The following OPCML variants were observed in gnomAD, a reference collection of about 807,000 sequenced individuals.
OPCML encodes opioid-binding protein/cell adhesion molecule.
OPCML carries 13 observed loss-of-function variants against 37.8 expected under a neutral mutation model. The observed-to-expected ratio is 0.34, with a 90% CI of 0.22 to 0.55. The LOEUF (loss-of-function observed/expected upper bound fraction) is 0.55. Ranked by LOEUF, OPCML falls within the 20% of genes least tolerant of loss-of-function variation. The probability of loss-of-function intolerance (pLI) is 0.91; values close to 1 mark genes in which losing one functional copy is unlikely to be tolerated. For synonymous variants in OPCML, 176 were observed against 168.8 expected (o/e 1.04, Z -0.33); for missense variants, 341 against 435.6 (o/e 0.78, Z 1.93).
At chr11:132,934,819 T>C (rs1430232432) in intron 2 of OPCML, among the ~76,000 whole-genome samples, 1 of 152,052 alleles carries the variant, frequency 6.6e-6, no homozygotes, top group Non-Finnish European at 1.5e-5. Flanking sequence ...TCCATCAGAG[T>C]AGTGACAAAT....
rs530540160 is a variant in OPCML at position 132,535,897 on chromosome 11, G to C, written c.380-6711C>G. Among the ~76,000 whole-genome samples the C allele has an allele frequency of 2.0e-3, 306 of 152,254 alleles. 5 individuals carry two copies. The highest frequency in any genetic ancestry group is 2.2e-3 in the Admixed American group (34 of 15,296). On this transcript the variant is annotated intron_variant, in intron 3 of 7. Coordinates refer to ENST00000524381, the MANE Select transcript of OPCML (RefSeq NM_001012393.5). ...GGCCAAAAGTAGGTGCTTATTGAAG[G>C]CTGCTTCCTCATTCTCTCCACATTG... is the stretch of plus-strand genomic sequence containing the variant.
chr11:132,642,593 C>G (rs1439203681), intron 3 of OPCML, among the ~76,000 whole-genome samples: 3 of 152,146 alleles, frequency 2.0e-5, no homozygotes, highest in Non-Finnish European at 4.4e-5. Flanking sequence ...AGTTGCTGAA[C>G]CACCCTGGCA....
rs771229345 is a variant in OPCML at position 132,570,644 on chromosome 11, G to A, written c.380-41458C>T. Among the ~76,000 whole-genome samples, 40 of 150,668 alleles carry A rather than the reference G, an allele frequency of 2.7e-4. No homozygotes were observed. In the East Asian group the frequency reaches 3.3e-3, roughly 13 times the overall value. ...ATAAATTAACAGTCTCAAAAAAGAAGCAGGGGAAATAATAGTAAATAAAAA... is the reference window on the plus strand; with the variant it reads ...ATAAATTAACAGTCTCAAAAAAGAAACAGGGGAAATAATAGTAAATAAAAA... On this transcript the variant is annotated intron_variant, in intron 3 of 7. Coordinates refer to ENST00000524381, the MANE Select transcript of OPCML (RefSeq NM_001012393.5).
intron 1 of OPCML, among the ~76,000 whole-genome samples, chr11:133,234,546 C>T (rs767647842): frequency 7.9e-5 from 12 of 152,380 alleles, no homozygotes; most frequent in Admixed American, 5.9e-4. Context: ...TGGGCACAGG[C>T]CTCCTGATGG....
At chr11:133,490,014 C>A (rs180947469) in intron 1 of OPCML, among the ~76,000 whole-genome samples, 1 of 151,976 alleles carries the variant, frequency 6.6e-6, no homozygotes, top group Admixed American at 6.6e-5. Context: ...AGACCATTAT[C>A]GTAAATAAAA....
In OPCML at chr11:132,728,050, T is replaced by G. The variant is rs772082866; in HGVS notation, c.147-70731A>C. ...TTTACCACACAGCTCACCAGGGAGC[T>G]TCAAGAACAGCATGGACGTTTGATT... On this transcript the variant is annotated intron_variant, in intron 2 of 7. Transcript: ENST00000524381. Among the ~76,000 whole-genome samples the G allele has an allele frequency of 9.9e-4, 151 of 152,268 alleles. 1 individual carries two copies. The highest frequency in any genetic ancestry group is 1.9e-3 in the Non-Finnish European group (126 of 68,016).
chr11:132,421,306 A>C (rs1226462751), intron 7 of OPCML, among the ~76,000 whole-genome samples: 1 of 152,218 alleles, frequency 6.6e-6, no homozygotes, highest in Non-Finnish European at 1.5e-5. Context: ...AGGCATTTCT[A>C]TAAAACTAGT....
intron 1 of OPCML, among the ~76,000 whole-genome samples, chr11:133,232,467 G>A (rs966732685): frequency 3.3e-5 from 5 of 152,112 alleles, no homozygotes; most frequent in East Asian, 1.9e-4. Flanking sequence ...TGTGCAAAGT[G>A]TGATGCATTA....
rs79454926 is a variant in OPCML at position 132,724,264 on chromosome 11, C to T, written c.147-66945G>A. ...GAGAGAGAGAAAATGCTGACCTGAT[C>T]AAGTTCGTTCAGAATTGACTAAGAA... On this transcript the variant is annotated intron_variant, in intron 2 of 7. Transcript: ENST00000524381. 8.7e-3 allele frequency among the ~76,000 whole-genome samples: 1,321 copies of T among 152,292 alleles called. 10 individuals are homozygous for T. Among genetic ancestry groups the T allele is most frequent in the South Asian group, 0.017 (80 of 4,828 alleles).
intron 1 of OPCML, among the ~76,000 whole-genome samples, chr11:133,017,924 C>T (rs573332484): frequency 1.3e-5 from 2 of 152,298 alleles, no homozygotes; most frequent in Admixed American, 1.3e-4. Flanking sequence ...ATCTGGCTTT[C>T]TGTGGCACGG....
At position 133,212,810 on chromosome 11, in the gene OPCML, T is replaced by G. The variant is rs548927716; in HGVS notation, c.62-269800A>C. Among the ~76,000 whole-genome samples, 24 of 152,322 alleles carry G rather than the reference T, an allele frequency of 1.6e-4. No homozygotes were observed. The highest frequency in any genetic ancestry group is 5.1e-4 in the African/African-American group (21 of 41,566). On this transcript the variant is annotated intron_variant, in intron 1 of 7. Transcript: ENST00000524381. This position sits in a 1 kb window ranked among gnomAD's most constrained non-coding sequence, Gnocchi z 4.9. ...GGACCCAACCTGGCCCCCTAGCTGT[T>G]GAGAGGTAAGAGTGAACTCATGACA... is the stretch of plus-strand genomic sequence containing the variant.
intron 3 of OPCML, among the ~76,000 whole-genome samples, chr11:132,649,072 C>T (rs1941301519): frequency 6.6e-6 from 1 of 151,950 alleles, no homozygotes; most frequent in Admixed American, 6.6e-5. Context: ...GTGTGGAGTA[C>T]AGAAGAAACA....
At chr11:133,288,287 A>C (rs1942361157) in intron 1 of OPCML, among the ~76,000 whole-genome samples, 1 of 152,210 alleles carries the variant, frequency 6.6e-6, no homozygotes, top group Non-Finnish European at 1.5e-5. Context: ...TGCTTCCTGG[A>C]GACTTAGCAG....
chr11:132,472,919 C>A (rs2096142574), intron 4 of OPCML, among the ~76,000 whole-genome samples: 1 of 152,202 alleles, frequency 6.6e-6, no homozygotes, highest in Non-Finnish European at 1.5e-5. Flanking sequence ...AATGTTAACC[C>A]AAGAAGGAGA....
chr11:133,418,901 AC>A (rs1945822960), intron 1 of OPCML, among the ~76,000 whole-genome samples: 1 of 152,168 alleles, frequency 6.6e-6, no homozygotes, highest in Admixed American at 6.5e-5. Context: ...ATTTCTGATG[AC>A]CAGCTGACTC....
rs2096215553 is a variant in OPCML, at chr11:132,491,526, C to T, written c.505+37535G>A. 2.0e-5 allele frequency among the ~76,000 whole-genome samples: 3 copies of T among 152,264 alleles called. No homozygotes were observed. In the South Asian group the frequency reaches 6.2e-4, roughly 32 times the overall value. ...CAGTCAGGTCTCTGCTCAAATAACC[C>T]TTCCCCAGAGGGGCTCATGGTATAT... On this transcript the variant is annotated intron_variant, in intron 4 of 7. Transcript: ENST00000524381.
chr11:133,091,867 G>C (rs949454548), intron 1 of OPCML, among the ~76,000 whole-genome samples: 9 of 152,094 alleles, frequency 5.9e-5, no homozygotes, highest in African/African-American at 2.2e-4. Flanking sequence ...AATGCATTAA[G>C]ACTTTTGGGG....
intron 2 of OPCML, among the ~76,000 whole-genome samples, chr11:132,677,449 C>G (rs1414534100): frequency 6.6e-6 from 1 of 152,134 alleles, no homozygotes; most frequent in Non-Finnish European, 1.5e-5. Flanking sequence ...GAATAACCAA[C>G]ACAATATTGG....
At chr11:133,404,631 C>T (rs112292852) in intron 1 of OPCML, among the ~76,000 whole-genome samples, 5,995 of 152,262 alleles carry the variant, frequency 0.039, 154 homozygotes, top group Non-Finnish European at 0.057. Context: ...GAGAAGAGGT[C>T]GATTGAGTAG....
Sources: allele counts gnomAD v4.1 joint callset (sites outside exome capture counted in the v4.1 genomes callset), GRCh38; gene constraint gnomAD v4.1.1; non-coding constraint Gnocchi (gnomAD v3.1); transcripts MANE v1.5; gene names NCBI Gene and HGNC (gene_info 2026-07-23, HGNC 2026-07-21).